The following UQCC6 variants were observed in gnomAD, a reference collection of about 807,000 sequenced individuals.
The protein encoded by UQCC6 is protein BRAWNIN.
At chr12:103,952,570 T>A in the UQCC6 span, among the ~76,000 whole-genome samples, 3 of 152,244 alleles carry the variant, frequency 2.0e-5, no homozygotes, top group East Asian at 5.8e-4. Context: ...ATATGGAAAC[T>A]GTTTAACTGC....
the UQCC6 span, chr12:103,956,680 G>A: frequency 6.4e-7 from 1 of 1,551,724 alleles, no homozygotes; most frequent in Non-Finnish European, 8.7e-7. Flanking sequence ...TGCGCACATG[G>A]CCAGGAGACT....
the UQCC6 span, among the ~76,000 whole-genome samples, chr12:103,960,711 C>T: frequency 6.6e-6 from 1 of 152,264 alleles, no homozygotes; most frequent in South Asian, 2.1e-4. Context: ...ACCACATACA[C>T]GACAGGTGGC....
At chr12:103,954,619 T>C in the UQCC6 span, 7 of 305,240 alleles carry the variant, frequency 2.3e-5, no homozygotes, top group South Asian at 2.3e-4. Flanking sequence ...ACTTCCAACA[T>C]TGGGGATCAC....
the UQCC6 span, among the ~76,000 whole-genome samples, chr12:103,957,938 T>TA: frequency 7.6e-6 from 1 of 131,218 alleles, no homozygotes; most frequent in Admixed American, 7.5e-5. Context: ...TTTATACATA[T>TA]TTTATATTAT....
chr12:103,963,181 C>T, the UQCC6 span, among the ~76,000 whole-genome samples: 1 of 151,452 alleles, frequency 6.6e-6, no homozygotes, highest in Admixed American at 6.6e-5. Flanking sequence ...TCAAGCGATT[C>T]TCCCATCCCA....
At chr12:103,956,642 G>T in the UQCC6 span, 3 of 1,550,060 alleles carry the variant, frequency 1.9e-6, no homozygotes, top group Admixed American at 3.9e-5. Context: ...AGGTCCGGTC[G>T]GTAGTACCTG....
the UQCC6 span, among the ~76,000 whole-genome samples, chr12:103,964,231 C>A: frequency 5.5e-5 from 8 of 146,762 alleles, no homozygotes; most frequent in South Asian, 6.6e-4. Context: ...CAGCTCACTG[C>A]AACCTCTGCC....
chr12:103,953,272 C>T, the UQCC6 span: 11 of 692,066 alleles, frequency 1.6e-5, 1 homozygote, highest in Admixed American at 1.4e-4. Flanking sequence ...TCTGGATGTA[C>T]CTTTCAAGTT....
chr12:103,960,421 GACATCCCCA>G, the UQCC6 span, among the ~76,000 whole-genome samples: 2 of 152,104 alleles, frequency 1.3e-5, no homozygotes, highest in South Asian at 4.1e-4. Context: ...AGACATATGA[GACATCCCCA>G]ACCAGTTCCT....
At chr12:103,961,415 A>C in the UQCC6 span, among the ~76,000 whole-genome samples, 1 of 152,238 alleles carries the variant, frequency 6.6e-6, no homozygotes, top group Admixed American at 6.5e-5. Context: ...TAAAGTCTAC[A>C]GTAGCGTACA....
chr12:103,952,958 T>C, the UQCC6 span, among the ~76,000 whole-genome samples: 5 of 152,146 alleles, frequency 3.3e-5, no homozygotes, highest in Admixed American at 2.6e-4. Flanking sequence ...TCAGTATAGC[T>C]GGTACAAAGT....
the UQCC6 span, among the ~76,000 whole-genome samples, chr12:103,958,797 A>C: frequency 6.6e-6 from 1 of 152,256 alleles, no homozygotes; most frequent in Non-Finnish European, 1.5e-5. Flanking sequence ...AGATGTGACT[A>C]ATCTGAGTCA....
chr12:103,954,348 T>C, the UQCC6 span, among the ~76,000 whole-genome samples: 1 of 152,224 alleles, frequency 6.6e-6, no homozygotes, highest in Non-Finnish European at 1.5e-5. Flanking sequence ...GGCTCTTGGT[T>C]CTGCAGGCTG....
the UQCC6 span, among the ~76,000 whole-genome samples, chr12:103,955,963 T>C: frequency 6.6e-6 from 1 of 152,316 alleles, no homozygotes; most frequent in Admixed American, 6.5e-5. Flanking sequence ...ACTTATTGAG[T>C]GTCTGCTACA....
At chr12:103,954,941 A>C in the UQCC6 span, 1 of 701,750 alleles carries the variant, frequency 1.4e-6, no homozygotes, top group East Asian at 2.7e-5. Context: ...TGAGAAATCA[A>C]CTTCACTCTT....
At chr12:103,956,786 G>T in the UQCC6 span, 1 of 1,335,570 alleles carries the variant, frequency 7.5e-7, no homozygotes, top group Non-Finnish European at 1.1e-6. Context: ...AGAAGTTCCA[G>T]CTCACGACTA....
the UQCC6 span, among the ~76,000 whole-genome samples, chr12:103,959,939 T>C: frequency 6.7e-6 from 1 of 150,362 alleles, no homozygotes; most frequent in Non-Finnish European, 1.5e-5. Context: ...GCCCAGCTAA[T>C]TTTTTTTGTA....
chr12:103,956,840 G>T, the UQCC6 span: 1 of 760,018 alleles, frequency 1.3e-6, no homozygotes. Context: ...CTGGACACGA[G>T]ACACACGGCG....
the UQCC6 span, among the ~76,000 whole-genome samples, chr12:103,965,315 C>T: frequency 4.6e-5 from 7 of 152,102 alleles, no homozygotes; most frequent in African/African-American, 1.4e-4. Flanking sequence ...CGAATGGGAT[C>T]TAGTCTCGTA....
Sources: gnomAD v4.1 joint callset for allele counts (sites outside exome capture counted in the v4.1 genomes callset) on GRCh38, gnomAD v4.1.1 for gene constraint, MANE v1.5 for transcripts, NCBI Gene and HGNC (gene_info 2026-07-23, HGNC 2026-07-21) for gene names.